The following CYP2C8 variants were observed in gnomAD, a reference collection of about 807,000 sequenced individuals.
The protein encoded by CYP2C8 is cytochrome P450 2C8.
A neutral mutation model predicts 41.3 loss-of-function variants in CYP2C8; 51 were observed. That is an observed-to-expected ratio of 1.24 (90% CI 0.99 to 1.56). CYP2C8 has a LOEUF of 1.56. Ranked by LOEUF, CYP2C8 falls within the 40% of genes most tolerant of loss-of-function variation. The pLI, the probability that CYP2C8 is intolerant of heterozygous loss-of-function variation, is 0.00. For missense variants in CYP2C8, 651 were observed against 579.9 expected (o/e 1.12, Z -1.26); for synonymous variants, 218 against 205.8 (o/e 1.06, Z -0.51).
At chr10:95,066,785 T>C (rs1215581041) in intron 3 of CYP2C8, among the ~76,000 whole-genome samples, 3 of 152,220 alleles carry the variant, frequency 2.0e-5, no homozygotes, top group African/African-American at 4.8e-5. Flanking sequence ...ACTTGGTTCA[T>C]ATTTCATGAA....
At chr10:95,052,082 A>G (rs1318027468) in intron 5 of CYP2C8, among the ~76,000 whole-genome samples, 1 of 152,098 alleles carries the variant, frequency 6.6e-6, no homozygotes, top group Non-Finnish European at 1.5e-5. Context: ...CTAAGGAAAA[A>G]TATGACATGA....
chr10:95,067,091 A>T (rs1242776107), intron 3 of CYP2C8, 117 bp downstream of exon 3: 2 of 1,410,710 alleles, frequency 1.4e-6, no homozygotes, highest in Non-Finnish European at 2.0e-6. Context: ...CCACCACCTG[A>T]GGGCTGACAA....
Position 95,037,222 on chromosome 10 carries a change from G to A in CYP2C8, c.1379C>T (p.Ser460Phe), listed in dbSNP as rs2032902186. The change falls in exon 9 of 9, where the codon TCT (serine) becomes TTT (phenylalanine). Residue 460 changes from serine to phenylalanine, a missense_variant. By Grantham distance (155) the Ser-to-Phe change is radical. Transcript: ENST00000371270. The stretch of plus-strand genomic sequence containing the variant: ...ATTGAGGTTCTTTAAATCATCAACA[G>A]ATTTCAGGTTAAAGTTCTGTAAAAT... ...TTILQNFNLK[S>F]VDDLKNLNTT... is the part of the protein sequence containing the mutation. 1 of 1,613,826 alleles carries A rather than the reference G, an allele frequency of 6.2e-7. No individual in the cohort carries two copies. The highest frequency in any genetic ancestry group is 1.3e-5 in the African/African-American group (1 of 75,052).
chr10:95,060,658 T>A (rs888305333), intron 4 of CYP2C8, among the ~76,000 whole-genome samples: 22 of 152,212 alleles, frequency 1.4e-4, no homozygotes, highest in African/African-American at 5.1e-4. Context: ...CTGATTGCCT[T>A]GGCCAGAACC....
chr10:95,038,624 C>T (rs190018352), intron 8 of CYP2C8, among the ~76,000 whole-genome samples: 6 of 152,120 alleles, frequency 3.9e-5, no homozygotes, highest in Admixed American at 3.3e-4. Context: ...CTCTTGGGTG[C>T]CTTAGTGATG....
At chr10:95,041,545 G>A (rs889371750) in intron 7 of CYP2C8, among the ~76,000 whole-genome samples, 2 of 152,042 alleles carry the variant, frequency 1.3e-5, no homozygotes, top group African/African-American at 4.8e-5. Flanking sequence ...ACTTTGGGAG[G>A]CCGAGGCGGG....
At chr10:95,042,021 A>G (rs551059563) in intron 7 of CYP2C8, among the ~76,000 whole-genome samples, 1 of 152,284 alleles carries the variant, frequency 6.6e-6, no homozygotes, top group East Asian at 1.9e-4. Context: ...TCTTTTATAA[A>G]TGAAGTTAAA....
At chr10:95,055,364 AAAAT>A (rs1037969842) in intron 5 of CYP2C8, among the ~76,000 whole-genome samples, 23 of 152,282 alleles carry the variant, frequency 1.5e-4, no homozygotes, top group African/African-American at 4.8e-4. Flanking sequence ...GTTTCAAAAA[AAAAT>A]AAATAAATAA....
At chr10:95,049,634 G>A (rs2033178379) in intron 5 of CYP2C8, among the ~76,000 whole-genome samples, 1 of 152,118 alleles carries the variant, frequency 6.6e-6, no homozygotes, top group Non-Finnish European at 1.5e-5. Flanking sequence ...GTGGACTATA[G>A]GGCTCTGGGA....
At chr10:95,065,051 T>C in intron 3 of CYP2C8, 91 bp from the exon 4 acceptor site, 1 of 1,173,706 alleles carries the variant, frequency 8.5e-7, no homozygotes, top group South Asian at 2.6e-5. Flanking sequence ...TTTAGAAATT[T>C]TAAACAATAT....
intron 7 of CYP2C8, chr10:95,041,100 T>G (rs1170878443): frequency 5.5e-6 from 2 of 364,842 alleles, no homozygotes; most frequent in Admixed American, 3.3e-5. Flanking sequence ...GAGGCCAGTA[T>G]ATACAATCAT....
Position 95,069,464 on chromosome 10 carries a change from C to T in CYP2C8, c.-62G>A. ...TGCACTCCAAAGTTTTTATAACACT[C>T]CCTGCTAATTTAGTGTGTGTCTCTT... On this transcript the variant is annotated 5_prime_UTR_variant, in exon 1 of 9. Transcript: ENST00000371270. The T allele has an allele frequency of 1.5e-6, 2 of 1,326,864 alleles. No individual in the cohort carries two copies. Among genetic ancestry groups the T allele is most frequent in the South Asian group, 1.2e-5 (1 of 83,696 alleles). The allele number at this position is 1,326,864 out of a possible 1,614,324, so 82.2% of individuals were successfully genotyped here. A position where few individuals can be genotyped will look rare whatever the true frequency, so the allele number is the denominator to read the frequency against.
intron 7 of CYP2C8, chr10:95,039,362 A>C (rs1252579403): frequency 6.0e-6 from 2 of 331,598 alleles, no homozygotes; most frequent in Non-Finnish European, 1.1e-5. Flanking sequence ...TTGTATTTTG[A>C]TTATGTAGAT....
chr10:95,053,764 G>A (rs1564737617), intron 5 of CYP2C8, among the ~76,000 whole-genome samples: 1 of 152,048 alleles, frequency 6.6e-6, no homozygotes, highest in Non-Finnish European at 1.5e-5. Flanking sequence ...AGGGCCTGTT[G>A]GGGGGTGGGG....
At chr10:95,045,688 A>T in intron 6 of CYP2C8, 122 bp downstream of exon 6, 2 of 1,187,420 alleles carry the variant, frequency 1.7e-6, no homozygotes, top group Non-Finnish European at 2.5e-6. Flanking sequence ...TAGACAGATT[A>T]CAGCTGATGA....
chr10:95,038,992 T>C lies in CYP2C8; in HGVS notation c.1196A>G (p.Lys399Arg), dbSNP rs10509681. The C allele has an allele frequency of 0.1, 166,562 of 1,613,204 alleles. 9,719 individuals are homozygous for C. Among genetic ancestry groups the C allele is most frequent in the Middle Eastern group, 0.12 (743 of 6,062 alleles). Residue 399 changes from lysine (K) to arginine (R), a missense_variant, in exon 8 of 9, where the codon AAA (lysine) becomes AGA (arginine). Coordinates refer to ENST00000371270, the MANE Select transcript of CYP2C8 (RefSeq NM_000770.3). Reference sequence around the variant, plus strand: ...AAAGATATTTGGATTAGGAAATTCTTTGTCATCATGTAGCACGGAAGTCAG... The same window carrying C: ...AAAGATATTTGGATTAGGAAATTCTCTGTCATCATGTAGCACGGAAGTCAG... Reference protein sequence around the residue: ...ALLTSVLHDDKEFPNPNIFDP... With the variant: ...ALLTSVLHDDREFPNPNIFDP...
In CYP2C8 at chr10:95,067,196, A is replaced by G. The variant is rs748264751; in HGVS notation, c.481+12T>C. 1.2e-6 allele frequency: 2 copies of G among 1,614,024 alleles called. No homozygotes were observed. Among genetic ancestry groups the G allele is most frequent in the South Asian group, 2.2e-5 (2 of 91,074 alleles). Reference sequence around the variant, plus strand: ...ACTGTTAAGGTCAATGACGCAGAGTAGAGTCACCCACCCTTGGTTTTTCTC... The same window carrying G: ...ACTGTTAAGGTCAATGACGCAGAGTGGAGTCACCCACCCTTGGTTTTTCTC... On this transcript the variant is annotated intron_variant, in intron 3 of 8. Transcript: ENST00000371270.
intron 5 of CYP2C8, among the ~76,000 whole-genome samples, chr10:95,053,878 C>A (rs2033260815): frequency 6.6e-6 from 1 of 151,996 alleles, no homozygotes; most frequent in African/African-American, 2.4e-5. Context: ...CACATGTATA[C>A]CTATGTAACA....
At chr10:95,050,305 T>C (rs1443741355) in intron 5 of CYP2C8, among the ~76,000 whole-genome samples, 1 of 152,156 alleles carries the variant, frequency 6.6e-6, no homozygotes, top group Non-Finnish European at 1.5e-5. Context: ...CCCTGGCTTC[T>C]GGGTGGTACC....
Sources: allele counts gnomAD v4.1 joint callset (sites outside exome capture counted in the v4.1 genomes callset), GRCh38; gene constraint gnomAD v4.1.1; transcripts MANE v1.5; gene names NCBI Gene and HGNC (gene_info 2026-07-23, HGNC 2026-07-21).